PCP4: variants seen among roughly 807,000 people sequenced by gnomAD.
PCP4 encodes Purkinje cell protein 4.
PCP4 carries 8 observed loss-of-function variants against 10.0 expected under a neutral mutation model. The ratio of observed to expected loss-of-function variants is 0.80; its 90% CI spans 0.47 to 1.45. The LOEUF (loss-of-function observed/expected upper bound fraction) is 1.45. PCP4 is among the 40% of genes most tolerant of loss of function. The pLI is 0.00. For missense variants in PCP4, 54 were observed against 74.4 expected, an observed-to-expected ratio of 0.73 and a Z score of 1.01; for synonymous variants, 21 against 23.0, an observed-to-expected ratio of 0.91 and a Z score of 0.24.
intron 1 of PCP4, among the ~76,000 whole-genome samples, chr21:39,896,813 C>T (rs1011037): frequency 0.14 from 20,835 of 152,060 alleles, 1,554 homozygotes; most frequent in Middle Eastern, 0.24. Context: ...CAATGTTGAA[C>T]GTCAAAGGAA....
intron 1 of PCP4, among the ~76,000 whole-genome samples, chr21:39,868,763 G>A (rs143835130): frequency 1.5e-3 from 224 of 152,314 alleles, no homozygotes; most frequent in African/African-American, 5.0e-3. Flanking sequence ...AGTGGTTTGA[G>A]GTCACCAGCT....
chr21:39,880,345 T>C (rs1326254633), intron 1 of PCP4, among the ~76,000 whole-genome samples: 1 of 152,184 alleles, frequency 6.6e-6, no homozygotes, highest in African/African-American at 2.4e-5. Flanking sequence ...TAAGAAACTA[T>C]TGTGTTCAAG....
chr21:39,894,303 C>T (rs1188063951), intron 1 of PCP4, among the ~76,000 whole-genome samples: 1 of 152,160 alleles, frequency 6.6e-6, no homozygotes, highest in African/African-American at 2.4e-5. Context: ...CCACATGTAT[C>T]AACCCATGCT....
chr21:39,920,144 TGTA>T (rs1333425688), intron 2 of PCP4, among the ~76,000 whole-genome samples: 12 of 139,816 alleles, frequency 8.6e-5, no homozygotes, highest in Admixed American at 7.9e-4. Flanking sequence ...GTGTGTGTGG[TGTA>T]GTGTGTTTGA....
intron 1 of PCP4, among the ~76,000 whole-genome samples, chr21:39,896,999 C>T (rs866389134): frequency 6.6e-6 from 1 of 152,020 alleles, no homozygotes; most frequent in Non-Finnish European, 1.5e-5. Flanking sequence ...TTCCTGAGGT[C>T]AAGGAAGTCC....
chr21:39,875,886 A>G (rs1425109618), intron 1 of PCP4, among the ~76,000 whole-genome samples: 1 of 152,176 alleles, frequency 6.6e-6, no homozygotes, highest in Non-Finnish European at 1.5e-5. Context: ...CTGTAATTCC[A>G]ATAGACTTTT....
At chr21:39,874,024 T>G (rs2087332770) in intron 1 of PCP4, among the ~76,000 whole-genome samples, 1 of 152,232 alleles carries the variant, frequency 6.6e-6, no homozygotes, top group Admixed American at 6.5e-5. Flanking sequence ...TGCCATTATT[T>G]TATATTTTAC....
intron 1 of PCP4, among the ~76,000 whole-genome samples, chr21:39,886,442 C>G (rs2087400949): frequency 6.6e-6 from 1 of 152,092 alleles, no homozygotes; most frequent in Non-Finnish European, 1.5e-5. Flanking sequence ...TACAAATCTA[C>G]TAAAAATACA....
chr21:39,920,510 G>A (rs2087592265), intron 2 of PCP4, among the ~76,000 whole-genome samples: 1 of 151,970 alleles, frequency 6.6e-6, no homozygotes, highest in African/African-American at 2.4e-5. Flanking sequence ...AAAAGTAAAA[G>A]CTGCTGTGGT....
chr21:39,912,103 AT>A (rs199747530), intron 2 of PCP4, among the ~76,000 whole-genome samples: 2 of 151,314 alleles, frequency 1.3e-5, no homozygotes, highest in Admixed American at 6.6e-5. Context: ...GATGTTAGAC[AT>A]TTTTTTTTCT....
In PCP4 at chr21:39,878,993, C is replaced by CTTT. The variant is rs202020238; in HGVS notation, c.9+11494_9+11496dup. On this transcript the variant is annotated intron_variant, in intron 1 of 2. Coordinates refer to ENST00000328619, the MANE Select transcript of PCP4 (RefSeq NM_006198.3). Reference sequence around the variant, plus strand: ...GAAAATTTTCTTTTCTTTCCTTTTTCTTTTTTTTTTTTTGAGACTGAATTT... The same window carrying CTTT: ...GAAAATTTTCTTTTCTTTCCTTTTTCTTTTTTTTTTTTTTTTGAGACTGAATTT... Among the ~76,000 whole-genome samples the CTTT allele has an allele frequency of 1.1e-4, 16 of 143,372 alleles. 1 individual carries two copies. Among genetic ancestry groups the CTTT allele is most frequent in the African/African-American group, 4.1e-4 (16 of 39,062 alleles). The allele number at this position is 143,372 out of a possible 152,430, so 94.1% of individuals were successfully genotyped here.
intron 2 of PCP4, among the ~76,000 whole-genome samples, chr21:39,927,330 T>TATC (rs1435859971): frequency 1.1e-3 from 71 of 65,302 alleles, no homozygotes; most frequent in East Asian, 1.4e-3. Flanking sequence ...ATCATCTATC[T>TATC]ATCTATCTGT....
chr21:39,877,699 A>G (rs1352987053), intron 1 of PCP4, among the ~76,000 whole-genome samples: 1 of 152,088 alleles, frequency 6.6e-6, no homozygotes, highest in East Asian at 1.9e-4. Flanking sequence ...CCTGCCTCAA[A>G]ACAAAAACAA....
At position 39,928,383 on chromosome 21, in the gene PCP4, C is replaced by T. The variant is rs77464857; in HGVS notation, c.62-601C>T. Among the ~76,000 whole-genome samples the T allele has an allele frequency of 1.6e-3, 243 of 152,306 alleles. 1 individual carries two copies. Among genetic ancestry groups the T allele is most frequent in the African/African-American group, 5.6e-3 (232 of 41,564 alleles). On this transcript the variant is annotated intron_variant, in intron 2 of 2. Transcript: ENST00000328619. ...CTGTCACCGTGTGAATTGGTGAAAT[C>T]CCTCCACCTCAGCAAGCCATTTGCC...
chr21:39,909,178 G>T (rs960566077), intron 2 of PCP4, among the ~76,000 whole-genome samples: 1 of 152,144 alleles, frequency 6.6e-6, no homozygotes. Flanking sequence ...ACTATTTCCA[G>T]CATTAATTCG....
At chr21:39,924,990 C>G (rs1250900398) in intron 2 of PCP4, among the ~76,000 whole-genome samples, 1 of 152,216 alleles carries the variant, frequency 6.6e-6, no homozygotes, top group Non-Finnish European at 1.5e-5. Context: ...GAGGGTACAC[C>G]TGTGCCTTCC....
chr21:39,890,220 C>T (rs570708493), intron 1 of PCP4, among the ~76,000 whole-genome samples: 1 of 152,338 alleles, frequency 6.6e-6, no homozygotes, highest in South Asian at 2.1e-4. Context: ...CTTGGAATTA[C>T]TGGGTTTCTC....
At chr21:39,913,865 G>T (rs1326708380) in intron 2 of PCP4, among the ~76,000 whole-genome samples, 1 of 152,160 alleles carries the variant, frequency 6.6e-6, no homozygotes, top group Non-Finnish European at 1.5e-5. Flanking sequence ...CTGGAAATAC[G>T]CAAAGAGAAA....
intron 2 of PCP4, among the ~76,000 whole-genome samples, chr21:39,912,058 T>G (rs2087542473): frequency 6.6e-6 from 1 of 152,238 alleles, no homozygotes; most frequent in African/African-American, 2.4e-5. Flanking sequence ...CAGATGCTAC[T>G]GCTCCTGGGA....
Sources: allele counts gnomAD v4.1 joint callset (sites outside exome capture counted in the v4.1 genomes callset), GRCh38; gene constraint gnomAD v4.1.1; transcripts MANE v1.5; gene names NCBI Gene and HGNC (gene_info 2026-07-23, HGNC 2026-07-21).